MAPK8IP3: variants seen among roughly 807,000 people sequenced by gnomAD.
MAPK8IP3 encodes the protein mitogen-activated protein kinase 8 interacting protein 3.
Under a neutral mutation model 157.8 loss-of-function variants are expected in MAPK8IP3, and 49 were observed. The ratio of observed to expected loss-of-function variants is 0.31; its 90% CI spans 0.25 to 0.39. The LOEUF (loss-of-function observed/expected upper bound fraction) is 0.39. Among genes scored for constraint, MAPK8IP3 ranks in the 10% least tolerant of loss-of-function variants. The pLI is 1.00. For missense variants in MAPK8IP3, 1,478 were observed against 1,889.4 expected, an observed-to-expected ratio of 0.78 and a Z score of 4.04; for synonymous variants, 897 against 777.7, an observed-to-expected ratio of 1.15 and a Z score of -2.55.
At position 1,730,611 on chromosome 16, in the gene MAPK8IP3, A is replaced by G. The variant is rs962381053; in HGVS notation, c.602+1033A>G. On this transcript the variant is annotated intron_variant, in intron 4 of 31. Transcript: ENST00000610761. Reference sequence around the variant, plus strand: ...GTAATCCCAGCACTTTGGGAGGGCAAGGAGGGCGGATCATGAGGTCAGGAG... The same window carrying G: ...GTAATCCCAGCACTTTGGGAGGGCAGGGAGGGCGGATCATGAGGTCAGGAG... Among the ~76,000 whole-genome samples, 6 of 152,040 alleles carry G rather than the reference A, an allele frequency of 3.9e-5. No individual in the cohort carries two copies. The East Asian group carries it at 7.7e-4, about 20-fold the overall frequency.
chr16:1,743,636 T>A lies in MAPK8IP3; in HGVS notation c.747+160T>A. ...AGGATGGAGAAACCCAGCCAGGGTG[T>A]CAGGGGCTCAGGCTGCCCAGCAGGC... On this transcript the variant is annotated intron_variant, in intron 5 of 31. Transcript: ENST00000610761. This position sits in a 1 kb window ranked among gnomAD's most constrained non-coding sequence, Gnocchi z 5.6. 1 of 1,443,768 alleles carries A rather than the reference T, an allele frequency of 6.9e-7. No homozygotes were observed. The highest frequency in any genetic ancestry group is 9.0e-7 in the Non-Finnish European group (1 of 1,106,158). 89.4% of individuals were successfully genotyped at this position (1,443,768 alleles called of 1,614,324 possible).
chr16:1,758,287 G>A (rs2041736063), intron 9 of MAPK8IP3, 128 bp downstream of exon 9: 2 of 1,049,734 alleles, frequency 1.9e-6, no homozygotes, highest in Non-Finnish European at 2.8e-6. Flanking sequence ...CAGCGCCTCT[G>A]CTTCTGCTCG....
rs762893896 is a variant in MAPK8IP3, at chr16:1,767,178, C to A, written c.3118C>A (p.Leu1040Ile). ...DGQWDLSNYH[L>I]MDLGHPHHSI... ...CCAGTGGGATCTGAGCAACTATCAC[C>A]TAATGGACCTGGGCCACCCGCACCA... Residue 1040 changes from leucine to isoleucine, a missense_variant, in exon 26 of 32, where the codon CTA becomes ATA. This residue lies in a region of MAPK8IP3 where 669 missense variants were observed against 759.8 expected (regional missense o/e 0.88). Coordinates refer to ENST00000610761, the MANE Select transcript of MAPK8IP3 (RefSeq NM_001318852.2). The A allele has an allele frequency of 1.2e-6, 2 of 1,613,280 alleles. No homozygotes were observed. Among genetic ancestry groups the A allele is most frequent in the Non-Finnish European group, 1.7e-6 (2 of 1,180,012 alleles).
intron 26 of MAPK8IP3, 21 bp downstream of exon 26, chr16:1,767,318 C>G: frequency 6.2e-7 from 1 of 1,612,068 alleles, no homozygotes; most frequent in Non-Finnish European, 8.5e-7. Context: ...GCCAGGGCCC[C>G]GGGGAGGGGA....
chr16:1,729,038 A>T, intron 2 of MAPK8IP3, 100 bp from the exon 3 acceptor site: 1 of 1,178,780 alleles, frequency 8.5e-7, no homozygotes, highest in Non-Finnish European at 1.3e-6. Context: ...CCAGAGTCCC[A>T]GCCTTGTCCT....
In MAPK8IP3 at chr16:1,768,821, G is replaced by A; in HGVS notation, c.4011G>A (p.Glu1337=). 2 of 1,612,196 alleles carry A rather than the reference G, an allele frequency of 1.2e-6. No homozygotes were observed. The highest frequency in any genetic ancestry group is 1.3e-5 in the African/African-American group (1 of 75,030). Residue 1337 remains glutamate (E), a synonymous_variant, in exon 32 of 32, where the codon GAG becomes GAA. Coordinates refer to ENST00000610761, the MANE Select transcript of MAPK8IP3 (RefSeq NM_001318852.2). ...IIVWQVSYTP[E] ...TGTGGCAGGTGTCCTACACCCCCGA[G>A]TGAAGCTGCTGCCCTGCCTGGCCCG...
In MAPK8IP3 at chr16:1,766,000, G is replaced by A. The variant is rs756209733; in HGVS notation, c.2487G>A (p.Leu829=). Residue 829 remains leucine (L), a synonymous_variant, in exon 21 of 32, where the codon CTG becomes CTA. Coordinates refer to ENST00000610761, the MANE Select transcript of MAPK8IP3 (RefSeq NM_001318852.2). The part of the protein sequence containing the change: ...DSDYPPGEMF[L]DSDVNPEDPG... The stretch of plus-strand genomic sequence containing the variant: ...ACTACCCTCCCGGGGAGATGTTCCT[G>A]GACAGCGACGTGAACCCAGAGGACC... The A allele has an allele frequency of 6.2e-7, 1 of 1,612,756 alleles. No individual in the cohort carries two copies. Among genetic ancestry groups the A allele is most frequent in the Non-Finnish European group, 8.5e-7 (1 of 1,179,920 alleles).
chr16:1,743,501 A>G lies in MAPK8IP3; in HGVS notation c.747+25A>G. 6.2e-7 allele frequency: 1 copy of G among 1,604,528 alleles called. No individual in the cohort carries two copies. The highest frequency in any genetic ancestry group is 8.5e-7 in the Non-Finnish European group (1 of 1,177,946). ...GGTTTTGTAGCCGTGCCGTGGAGTG[A>G]GAGGCTCCTCCCTGTTGCTGGTGTT... On this transcript the variant is annotated intron_variant, in intron 5 of 31. Transcript: ENST00000610761. This position sits in a 1 kb window ranked among gnomAD's most constrained non-coding sequence, Gnocchi z 5.6.
At chr16:1,738,233 ACCAT>A (rs1246000990) in intron 4 of MAPK8IP3, among the ~76,000 whole-genome samples, 16 of 65,644 alleles carry the variant, frequency 2.4e-4, no homozygotes, top group East Asian at 5.4e-4. Flanking sequence ...TGAGAGTGTG[ACCAT>A]CCATTTGAGC....
chr16:1,763,941 T>A lies in MAPK8IP3; in HGVS notation c.2025+158T>A, dbSNP rs1302492133. The stretch of plus-strand genomic sequence containing the variant: ...CCTGGCAGGTTCCTAGTGAGCCTCC[T>A]GGGCAGGGGTCTGGAGGGTCGGAGA... On this transcript the variant is annotated intron_variant, in intron 17 of 31. Transcript: ENST00000610761. The A allele has an allele frequency of 4.7e-6, 5 of 1,056,896 alleles. No individual in the cohort carries two copies. The East Asian group carries it at 1.1e-4, about 23-fold the overall frequency. 65.5% of individuals were successfully genotyped at this position (1,056,896 alleles called of 1,614,324 possible). A position where few individuals can be genotyped will look rare whatever the true frequency, so the allele number is the denominator to read the frequency against.
At position 1,766,639 on chromosome 16, in the gene MAPK8IP3, A is replaced by G. The variant is rs1256387701; in HGVS notation, c.2930A>G (p.Gln977Arg). 1 of 1,612,344 alleles carries G rather than the reference A, an allele frequency of 6.2e-7. No individual in the cohort carries two copies. Among genetic ancestry groups the G allele is most frequent in the Non-Finnish European group, 8.5e-7 (1 of 1,179,852 alleles). The change falls in exon 23 of 32, where the codon CAG becomes CGG. Residue 977 changes from glutamine (Q) to arginine (R), a missense_variant. This residue lies in a region of MAPK8IP3 where 669 missense variants were observed against 759.8 expected (regional missense o/e 0.88). Coordinates refer to ENST00000610761, the MANE Select transcript of MAPK8IP3 (RefSeq NM_001318852.2). ...GCACCCACCATGTGGCTGGGAGCCC[A>G]GAACGGCTGGTAGGAAGGGCCCGGG... ...SAAPTMWLGAQNGWLYVHSAV... is the reference protein window; with the variant it reads ...SAAPTMWLGARNGWLYVHSAV...
At chr16:1,729,881 C>G (rs1311982713) in intron 4 of MAPK8IP3, among the ~76,000 whole-genome samples, 1 of 152,006 alleles carries the variant, frequency 6.6e-6, no homozygotes, top group Non-Finnish European at 1.5e-5. Flanking sequence ...TCCACAGATT[C>G]TGTGTTTGCA....
chr16:1,743,567 T>G lies in MAPK8IP3; in HGVS notation c.747+91T>G. The stretch of plus-strand genomic sequence containing the variant: ...CGGGAGCCTCGTCTGCAGGCAGCCC[T>G]TCACGGCTCTCTGGGCCACTCGCCC... On this transcript the variant is annotated intron_variant, in intron 5 of 31. Coordinates refer to ENST00000610761, the MANE Select transcript of MAPK8IP3 (RefSeq NM_001318852.2). This position sits in a 1 kb window ranked among gnomAD's most constrained non-coding sequence, Gnocchi z 5.6. 1 of 1,519,426 alleles carries G rather than the reference T, an allele frequency of 6.6e-7. No individual in the cohort carries two copies. Among genetic ancestry groups the G allele is most frequent in the Non-Finnish European group, 8.7e-7 (1 of 1,144,404 alleles). 94.1% of individuals were successfully genotyped at this position (1,519,426 alleles called of 1,614,324 possible).
chr16:1,742,552 T>C lies in MAPK8IP3; in HGVS notation c.603-780T>C, dbSNP rs894306858. Among the ~76,000 whole-genome samples the C allele has an allele frequency of 1.3e-5, 2 of 152,278 alleles. No homozygotes were observed. Among genetic ancestry groups the C allele is most frequent in the Middle Eastern group, 3.4e-3 (1 of 294 alleles). ...TCTGGATGTGTCGTGTTCAGATATT[T>C]TGCAGTGAGGCAGCCTCATGAACAG... On this transcript the variant is annotated intron_variant, in intron 4 of 31. Transcript: ENST00000610761. The surrounding 1 kb of genome is among the most constrained non-coding windows in gnomAD (Gnocchi z 5.0).
intron 10 of MAPK8IP3, among the ~76,000 whole-genome samples, chr16:1,759,210 G>C (rs1415950739): frequency 6.6e-6 from 1 of 152,216 alleles, no homozygotes; most frequent in Non-Finnish European, 1.5e-5. Context: ...GGCCCGAGGA[G>C]GGCAGCCCCA....
chr16:1,706,674 A>ACCCGC lies in MAPK8IP3; in HGVS notation c.318+20_318+24dup. On this transcript the variant is annotated intron_variant, in intron 1 of 31. Coordinates refer to ENST00000610761, the MANE Select transcript of MAPK8IP3 (RefSeq NM_001318852.2). The surrounding 1 kb of genome is among the most constrained non-coding windows in gnomAD (Gnocchi z 5.1). The stretch of plus-strand genomic sequence containing the variant: ...GCGGAGGAGGTGCGTGGGCCGCGGG[A>ACCCGC]CCCGCCCGCATCCCCGTCCCGGACC... The ACCCGC allele has an allele frequency of 2.0e-6, 3 of 1,519,104 alleles. No individual in the cohort carries two copies. The highest frequency in any genetic ancestry group is 2.6e-6 in the Non-Finnish European group (3 of 1,133,860). The allele number at this position is 1,519,104 out of a possible 1,614,324, so 94.1% of individuals were successfully genotyped here. A position where few individuals can be genotyped will look rare whatever the true frequency, so the allele number is the denominator to read the frequency against.
chr16:1,738,476 A>G (rs866576045), intron 4 of MAPK8IP3, among the ~76,000 whole-genome samples: 245 of 60,792 alleles, frequency 4.0e-3, no homozygotes, highest in South Asian at 8.4e-3. Context: ...CCGTGTGAGC[A>G]TCCGTGTGAG....
rs376978493 is a variant in MAPK8IP3, at chr16:1,724,639, G to A, written c.401G>A (p.Arg134His). ...IQVEHYEFQTRQLELKAKNYA... is the reference protein window; with the variant it reads ...IQVEHYEFQTHQLELKAKNYA... ...GTGGAGCACTACGAGTTCCAGACGC[G>A]CCAGCTGGAGCTGAAGGCCAAGAAC... Residue 134 changes from arginine to histidine, a missense_variant, in exon 2 of 32, where the codon CGC becomes CAC. Physicochemically the swap from Arg to His is conservative, Grantham distance 29 (BLOSUM62 0). Transcript: ENST00000610761. The surrounding 1 kb of genome is among the most constrained non-coding windows in gnomAD (Gnocchi z 4.1). The A allele has an allele frequency of 3.1e-6, 5 of 1,613,438 alleles. No homozygotes were observed. The highest frequency in any genetic ancestry group is 2.2e-5 in the East Asian group (1 of 44,890).
chr16:1,727,866 G>A (rs1252723163), intron 2 of MAPK8IP3, among the ~76,000 whole-genome samples: 2 of 152,230 alleles, frequency 1.3e-5, no homozygotes, highest in African/African-American at 4.8e-5. Flanking sequence ...GATGGCCAAA[G>A]TGAGATGTTG....
Sources: gnomAD v4.1 joint callset for allele counts (sites outside exome capture counted in the v4.1 genomes callset) on GRCh38, gnomAD v4.1.1 for gene constraint, gnomAD v4.1.1 regional missense constraint, Gnocchi (gnomAD v3.1) non-coding constraint, MANE v1.5 for transcripts, NCBI Gene and HGNC (gene_info 2026-07-23, HGNC 2026-07-21) for gene names.